Variants in PCBP3 observed in about 807,000 individuals in gnomAD.
PCBP3 encodes the protein poly(rC)-binding protein 3.
A neutral mutation model predicts 52.7 loss-of-function variants in PCBP3; 25 were observed. The observed-to-expected ratio is 0.47, with a 90% CI of 0.35 to 0.66. The LOEUF (loss-of-function observed/expected upper bound fraction) is 0.66. PCBP3 is among the 30% of genes least tolerant of loss of function. The probability of loss-of-function intolerance (pLI) is 0.01; values close to 1 mark genes in which losing one functional copy is unlikely to be tolerated. For missense variants in PCBP3, 391 were observed against 490.3 expected, an observed-to-expected ratio of 0.80 and a Z score of 1.91; for synonymous variants, 162 against 183.0, an observed-to-expected ratio of 0.89 and a Z score of 0.93.
At chr21:45,757,134 G>C (rs962904345) in intron 4 of PCBP3, among the ~76,000 whole-genome samples, 1 of 152,132 alleles carries the variant, frequency 6.6e-6, no homozygotes, top group Non-Finnish European at 1.5e-5. Context: ...TGTACCATTC[G>C]ACATTCCCAC....
rs1271762630 is a variant in PCBP3 at position 45,735,413 on chromosome 21, T to TC, written c.-174dup. On this transcript the variant is annotated 5_prime_UTR_variant, in exon 3 of 18. Coordinates refer to ENST00000681687, the MANE Select transcript of PCBP3 (RefSeq NM_001384156.1). This position sits in a 1 kb window ranked among gnomAD's most constrained non-coding sequence, Gnocchi z 4.0. The stretch of plus-strand genomic sequence containing the variant: ...ACAGGACTGTCTACAAGAGAGAAGC[T>TC]CCCCACGTGGTTCCGTGTAAGTAGT... The TC allele has an allele frequency of 6.6e-6, 1 of 152,162 alleles. No homozygotes were observed. 9.4% of individuals were successfully genotyped at this position (152,162 alleles called of 1,614,324 possible). A position where few individuals can be genotyped will look rare whatever the true frequency, so the allele number is the denominator to read the frequency against.
chr21:45,898,359 T>TCCCTTACACACC, intron 6 of PCBP3, among the ~76,000 whole-genome samples: 1 of 38,764 alleles, frequency 2.6e-5, no homozygotes, highest in Non-Finnish European at 4.8e-5. Flanking sequence ...ACCATCCTCA[T>TCCCTTACACACC]GGTCTCCCTC....
chr21:45,675,805 A>G (rs2081428387), intron 2 of PCBP3, among the ~76,000 whole-genome samples: 1 of 152,198 alleles, frequency 6.6e-6, no homozygotes, highest in Non-Finnish European at 1.5e-5. Flanking sequence ...GATGGTGTAA[A>G]AGCAATGGCA....
At chr21:45,722,722 C>T in intron 2 of PCBP3, among the ~76,000 whole-genome samples, 1 of 152,008 alleles carries the variant, frequency 6.6e-6, no homozygotes, top group East Asian at 1.9e-4. Context: ...GTAAATGTAG[C>T]CGGGCACAGT....
At chr21:45,647,256 G>A (rs2079378114) in intron 1 of PCBP3, among the ~76,000 whole-genome samples, 2 of 152,150 alleles carry the variant, frequency 1.3e-5, no homozygotes, top group South Asian at 4.1e-4. Flanking sequence ...AGAAACTCAG[G>A]AAAACTTCCT....
intron 4 of PCBP3, among the ~76,000 whole-genome samples, chr21:45,764,492 C>T (rs777715283): frequency 1.6e-4 from 25 of 152,316 alleles, no homozygotes; most frequent in Non-Finnish European, 2.6e-4. Context: ...TTAGTTAACC[C>T]GCCAAGTGAG....
At chr21:45,819,126 C>T (rs979435338) in intron 4 of PCBP3, among the ~76,000 whole-genome samples, 1 of 152,070 alleles carries the variant, frequency 6.6e-6, no homozygotes, top group Non-Finnish European at 1.5e-5. Context: ...AGTACAGCAC[C>T]GAGCGTGAGC....
rs933675756 is a variant in PCBP3 at position 45,735,447 on chromosome 21, T to G, written c.-162+18T>G. 2 of 152,228 alleles carry G rather than the reference T, an allele frequency of 1.3e-5. No individual in the cohort carries two copies. The highest frequency in any genetic ancestry group is 4.8e-5 in the African/African-American group (2 of 41,452). The allele number at this position is 152,228 out of a possible 1,614,324, so 9.4% of individuals were successfully genotyped here. ...GGTTCCGTGTAAGTAGTGCTTCTTA[T>G]GATGCTGTCACAGGCGATATTTTTA... On this transcript the variant is annotated intron_variant, in intron 3 of 17. Transcript: ENST00000681687. This position sits in a 1 kb window ranked among gnomAD's most constrained non-coding sequence, Gnocchi z 4.0.
Position 45,910,986 on chromosome 21 carries a change from G to C in PCBP3, c.556G>C (p.Ala186Pro). The change falls in exon 11 of 18, where the codon GCC becomes CCC. Residue 186 changes from alanine to proline, a missense_variant. Ala to Pro is a conservative substitution (Grantham distance 27, BLOSUM62 -1). Transcript: ENST00000681687. ...GGTGACCATCTCGGGGACCCCAGAT[G>C]CCATCATCCAGTGCGTCAAGCAGAT... ...RAVTISGTPD[A>P]IIQCVKQICV... 1 of 1,612,146 alleles carries C rather than the reference G, an allele frequency of 6.2e-7. No homozygotes were observed. The highest frequency in any genetic ancestry group is 8.5e-7 in the Non-Finnish European group (1 of 1,179,968).
At chr21:45,662,148 A>G (rs983922417) in intron 1 of PCBP3, among the ~76,000 whole-genome samples, 38 of 149,914 alleles carry the variant, frequency 2.5e-4, no homozygotes, top group African/African-American at 8.1e-4. Flanking sequence ...ATTAAGTCCC[A>G]TTTGTCTATT....
intron 4 of PCBP3, among the ~76,000 whole-genome samples, chr21:45,783,371 G>A (rs1434800681): frequency 6.6e-6 from 1 of 152,108 alleles, no homozygotes; most frequent in East Asian, 1.9e-4. Context: ...AATTTTCATG[G>A]TAGAAAAAAG....
At chr21:45,875,148 G>A (rs538053220) in intron 5 of PCBP3, among the ~76,000 whole-genome samples, 4 of 152,334 alleles carry the variant, frequency 2.6e-5, no homozygotes, top group African/African-American at 9.6e-5. Flanking sequence ...CAGGCTGGGG[G>A]CCCCTCCATG....
intron 1 of PCBP3, among the ~76,000 whole-genome samples, chr21:45,659,566 G>T (rs1174319015): frequency 6.6e-6 from 1 of 151,918 alleles, no homozygotes; most frequent in Non-Finnish European, 1.5e-5. Context: ...GCTCAGACTG[G>T]TCTCGAACTC....
In PCBP3 at chr21:45,656,061, C is replaced by T. The variant is rs2079998315; in HGVS notation, c.-279+12193C>T. ...CTTTTGGTGGGAGTATAAATTAGTTCAACCATTGTGGAAGACAGTGTGGCG... is the reference window on the plus strand; with the variant it reads ...CTTTTGGTGGGAGTATAAATTAGTTTAACCATTGTGGAAGACAGTGTGGCG... On this transcript the variant is annotated intron_variant, in intron 1 of 17. Coordinates refer to ENST00000681687, the MANE Select transcript of PCBP3 (RefSeq NM_001384156.1). The surrounding 1 kb of genome is among the most constrained non-coding windows in gnomAD (Gnocchi z 4.3). Among the ~76,000 whole-genome samples the T allele has an allele frequency of 6.6e-6, 1 of 152,196 alleles. No individual in the cohort carries two copies. Among genetic ancestry groups the T allele is most frequent in the African/African-American group, 2.4e-5 (1 of 41,452 alleles).
Position 45,805,469 on chromosome 21 carries a change from C to T in PCBP3, c.-125-44492C>T, listed in dbSNP as rs940661403. On this transcript the variant is annotated intron_variant, in intron 4 of 17. Coordinates refer to ENST00000681687, the MANE Select transcript of PCBP3 (RefSeq NM_001384156.1). This position sits in a 1 kb window ranked among gnomAD's most constrained non-coding sequence, Gnocchi z 4.6. ...TCTGGAGCCCCCTGTCTTCCCTTAT[C>T]CACTGCCTCAAGGTTCCCACCAGCA... Among the ~76,000 whole-genome samples the T allele has an allele frequency of 4.1e-4, 62 of 152,262 alleles. No individual in the cohort carries two copies. Among genetic ancestry groups the T allele is most frequent in the African/African-American group, 1.3e-3 (55 of 41,552 alleles).
intron 4 of PCBP3, among the ~76,000 whole-genome samples, chr21:45,796,077 C>G (rs932379065): frequency 6.6e-6 from 1 of 152,218 alleles, no homozygotes. Flanking sequence ...GGGCTGCACT[C>G]TCACACCACC....
chr21:45,806,978 C>T (rs2092526153), intron 4 of PCBP3, among the ~76,000 whole-genome samples: 1 of 152,212 alleles, frequency 6.6e-6, no homozygotes, highest in Non-Finnish European at 1.5e-5. Flanking sequence ...TGTGGCTTTT[C>T]ATTAATTTTA....
chr21:45,836,927 C>T (rs1050868467), intron 4 of PCBP3, among the ~76,000 whole-genome samples: 1 of 152,066 alleles, frequency 6.6e-6, no homozygotes, highest in African/African-American at 2.4e-5. Flanking sequence ...TGTGAATAGG[C>T]ATCATTTATT....
intron 4 of PCBP3, among the ~76,000 whole-genome samples, chr21:45,756,018 T>C (rs545434142): frequency 6.6e-6 from 1 of 152,368 alleles, no homozygotes; most frequent in East Asian, 1.9e-4. Context: ...TCACAAAGAT[T>C]ATCTCCTGTT....
Sources: gnomAD v4.1 joint callset for allele counts (sites outside exome capture counted in the v4.1 genomes callset) on GRCh38, gnomAD v4.1.1 for gene constraint, Gnocchi (gnomAD v3.1) non-coding constraint, MANE v1.5 for transcripts, NCBI Gene and HGNC (gene_info 2026-07-23, HGNC 2026-07-21) for gene names.